DDX39A: variants seen among roughly 807,000 people sequenced by gnomAD.
The protein encoded by DDX39A is ATP-dependent RNA helicase DDX39A.
DDX39A carries 13 observed loss-of-function variants against 46.3 expected under a neutral mutation model. The observed-to-expected ratio is 0.28, with a 90% CI of 0.18 to 0.45. The LOEUF is 0.45. Ranked by LOEUF, DDX39A falls within the 20% of genes least tolerant of loss-of-function variation. The pLI is 1.00. For missense variants in DDX39A, 352 were observed against 581.8 expected, an observed-to-expected ratio of 0.61 and a Z score of 4.06; for synonymous variants, 234 against 224.6, an observed-to-expected ratio of 1.04 and a Z score of -0.38.
rs1976471179 is a variant in DDX39A at position 14,409,570 on chromosome 19, T to C, written c.940A>G (p.Ile314Val). The C allele has an allele frequency of 1.2e-6, 2 of 1,611,028 alleles. No individual in the cohort carries two copies. Among genetic ancestry groups the C allele is most frequent in the East Asian group, 2.2e-5 (1 of 44,838 alleles). The change falls in exon 8 of 11, where the codon ATC becomes GTC. Residue 314 changes from isoleucine (I) to valine (V), a missense_variant. This residue lies in a region of DDX39A where 301 missense variants were observed against 469.9 expected (regional missense o/e 0.64). Transcript: ENST00000242776. The surrounding 1 kb of genome is among the most constrained non-coding windows in gnomAD (Gnocchi z 8.3). ...QLLVEQNFPA[I>V]AIHRGMAQEE... Reference sequence around the variant, plus strand: ...TGGGCCATGCCCCGGTGGATGGCGATGGCCGGGAAGTTCTGCTCCACGAGG... The same window carrying C: ...TGGGCCATGCCCCGGTGGATGGCGACGGCCGGGAAGTTCTGCTCCACGAGG...
Position 14,409,710 on chromosome 19 carries a change from T to G in DDX39A, c.864+32A>C, listed in dbSNP as rs780534617. ...TGGCCCAGTGACCTCCCGAAGGTCC[T>G]GAGCCCCAGGACAGGCTGATGGAAG... On this transcript the variant is annotated intron_variant, in intron 7 of 10. Coordinates refer to ENST00000242776, the MANE Select transcript of DDX39A (RefSeq NM_005804.4). This position sits in a 1 kb window ranked among gnomAD's most constrained non-coding sequence, Gnocchi z 8.3. 3 of 1,613,264 alleles carry G rather than the reference T, an allele frequency of 1.9e-6. No individual in the cohort carries two copies. In the East Asian group the frequency reaches 6.7e-5, roughly 36 times the overall value.
At position 14,411,680 on chromosome 19, in the gene DDX39A, C is replaced by T. The variant is rs1976598099; in HGVS notation, c.337-82G>A. On this transcript the variant is annotated intron_variant, in intron 3 of 10. Transcript: ENST00000242776. The surrounding 1 kb of genome is among the most constrained non-coding windows in gnomAD (Gnocchi z 4.1). ...CCACCAGAGTCCACCCAACCCAGTCCCCCTGACACTGCACCCAACATCACA... is the reference window on the plus strand; with the variant it reads ...CCACCAGAGTCCACCCAACCCAGTCTCCCTGACACTGCACCCAACATCACA... 2.4e-6 allele frequency: 3 copies of T among 1,228,110 alleles called. No homozygotes were observed. The highest frequency in any genetic ancestry group is 2.4e-6 in the Non-Finnish European group (2 of 847,486). 76.1% of individuals were successfully genotyped at this position (1,228,110 alleles called of 1,614,324 possible).
intron 1 of DDX39A, among the ~76,000 whole-genome samples, chr19:14,417,455 T>C (rs1321721937): frequency 2.6e-5 from 3 of 117,180 alleles, no homozygotes; most frequent in East Asian, 2.8e-4. Flanking sequence ...ACCGCGTCTA[T>C]ACAAAAACAA....
At position 14,412,536 on chromosome 19, in the gene DDX39A, G is replaced by T; in HGVS notation, c.336+15C>A. The T allele has an allele frequency of 6.2e-7, 1 of 1,603,178 alleles. No homozygotes were observed. Among genetic ancestry groups the T allele is most frequent in the South Asian group, 1.1e-5 (1 of 90,904 alleles). Reference sequence around the variant, plus strand: ...CACAGGCAGGGTGGGGCCAGGAAGGGAGGAGCCCACCCACCTGTCCGTTGA... The same window carrying T: ...CACAGGCAGGGTGGGGCCAGGAAGGTAGGAGCCCACCCACCTGTCCGTTGA... On this transcript the variant is annotated intron_variant, in intron 3 of 10. Transcript: ENST00000242776. This position sits in a 1 kb window ranked among gnomAD's most constrained non-coding sequence, Gnocchi z 4.4.
At chr19:14,413,467 CAG>C (rs1403178554) in intron 1 of DDX39A, among the ~76,000 whole-genome samples, 1 of 151,798 alleles carries the variant, frequency 6.6e-6, no homozygotes, top group Non-Finnish European at 1.5e-5. Context: ...CCATGGCTCA[CAG>C]AGTTAAAATC....
Position 14,409,044 on chromosome 19 carries a change from G to A in DDX39A, c.1260C>T (p.Ser420=). 1.2e-6 allele frequency: 2 copies of A among 1,614,244 alleles called. No homozygotes were observed. The highest frequency in any genetic ancestry group is 1.7e-6 in the Non-Finnish European group (2 of 1,180,048). The change falls in exon 10 of 11, where the codon TCC becomes TCT. Residue 420 remains serine, a synonymous_variant. Coordinates refer to ENST00000242776, the MANE Select transcript of DDX39A (RefSeq NM_005804.4). This position sits in a 1 kb window ranked among gnomAD's most constrained non-coding sequence, Gnocchi z 8.3. ...VAELPEEIDI[S]TYIEQSR ...CCTGCCCAAGGCACTTACTGTATGTGGAGATGTCGATTTCCTCTGGAAGTT... is the reference window on the plus strand; with the variant it reads ...CCTGCCCAAGGCACTTACTGTATGTAGAGATGTCGATTTCCTCTGGAAGTT...
In DDX39A at chr19:14,413,045, A is replaced by G. The variant is rs1976657862; in HGVS notation, c.176T>C (p.Ile59Thr). 1 of 1,614,028 alleles carries G rather than the reference A, an allele frequency of 6.2e-7. No individual in the cohort carries two copies. Among genetic ancestry groups the G allele is most frequent in the Non-Finnish European group, 8.5e-7 (1 of 1,180,014 alleles). ...FLLKPELLRA[I>T]VDCGFEHPSE... ...AGGATGCTCAAAGCCACAGTCCACG[A>G]TGGCCCGCAGGAGCTCCGGCTTCAG... The change falls in exon 2 of 11, where the codon ATC (isoleucine) becomes ACC (threonine). Residue 59 changes from isoleucine (I) to threonine (T), a missense_variant. Coordinates refer to ENST00000242776, the MANE Select transcript of DDX39A (RefSeq NM_005804.4).
Position 14,410,064 on chromosome 19 carries a change from C to T in DDX39A, c.732+152G>A, listed in dbSNP as rs1976506804. On this transcript the variant is annotated intron_variant, in intron 6 of 10. Coordinates refer to ENST00000242776, the MANE Select transcript of DDX39A (RefSeq NM_005804.4). This position sits in a 1 kb window ranked among gnomAD's most constrained non-coding sequence, Gnocchi z 4.3. Reference sequence around the variant, plus strand: ...ACTCAGGTGTGGACCAAGCTTGACTCCCAGTTTGACAAGACCGAGGGGAGG... The same window carrying T: ...ACTCAGGTGTGGACCAAGCTTGACTTCCAGTTTGACAAGACCGAGGGGAGG... The T allele has an allele frequency of 2.0e-6, 2 of 1,025,636 alleles. No individual in the cohort carries two copies. Among genetic ancestry groups the T allele is most frequent in the South Asian group, 1.3e-5 (1 of 76,400 alleles). 63.5% of individuals were successfully genotyped at this position (1,025,636 alleles called of 1,614,324 possible). A position where few individuals can be genotyped will look rare whatever the true frequency, so the allele number is the denominator to read the frequency against.
At chr19:14,418,975 C>T (rs1194071534) in intron 1 of DDX39A, 1 of 456,250 alleles carries the variant, frequency 2.2e-6, no homozygotes, top group Non-Finnish European at 4.4e-6. Context: ...GGGGTCTATT[C>T]GGACGAACTG....
Position 14,412,912 on chromosome 19 carries a change from C to A in DDX39A, c.208+101G>T. ...GATCCGCGGGACAGACGGGCCCCTC[C>A]CTCACCCACGGCAAACTGGAGGCGG... On this transcript the variant is annotated intron_variant, in intron 2 of 10. Coordinates refer to ENST00000242776, the MANE Select transcript of DDX39A (RefSeq NM_005804.4). The surrounding 1 kb of genome is among the most constrained non-coding windows in gnomAD (Gnocchi z 4.4). 1 of 1,406,674 alleles carries A rather than the reference C, an allele frequency of 7.1e-7. No homozygotes were observed. The highest frequency in any genetic ancestry group is 1.3e-5 in the South Asian group (1 of 74,902). 87.1% of individuals were successfully genotyped at this position (1,406,674 alleles called of 1,614,324 possible).
intron 1 of DDX39A, chr19:14,418,898 C>G (rs1266594088): frequency 6.6e-6 from 3 of 456,186 alleles, no homozygotes; most frequent in Non-Finnish European, 1.3e-5. Context: ...GCTCCAACTT[C>G]TCCCACCCAG....
Position 14,409,969 on chromosome 19 carries a change from C to A in DDX39A, c.733-96G>T. On this transcript the variant is annotated intron_variant, in intron 6 of 10. Coordinates refer to ENST00000242776, the MANE Select transcript of DDX39A (RefSeq NM_005804.4). This position sits in a 1 kb window ranked among gnomAD's most constrained non-coding sequence, Gnocchi z 8.3. Reference sequence around the variant, plus strand: ...CAGTGGGCGACTCCTTTGTGCGACACTTCCCAGAGGACCTGCTGCACCAGA... The same window carrying A: ...CAGTGGGCGACTCCTTTGTGCGACAATTCCCAGAGGACCTGCTGCACCAGA... 1 of 1,473,256 alleles carries A rather than the reference C, an allele frequency of 6.8e-7. No individual in the cohort carries two copies. The highest frequency in any genetic ancestry group is 9.4e-7 in the Non-Finnish European group (1 of 1,061,956). 91.3% of individuals were successfully genotyped at this position (1,473,256 alleles called of 1,614,324 possible). A position where few individuals can be genotyped will look rare whatever the true frequency, so the allele number is the denominator to read the frequency against.
rs1599641110 is a variant in DDX39A at position 14,409,469 on chromosome 19, T to C, written c.975-22A>G. On this transcript the variant is annotated intron_variant, in intron 8 of 10. Transcript: ENST00000242776. This position sits in a 1 kb window ranked among gnomAD's most constrained non-coding sequence, Gnocchi z 8.3. Reference sequence around the variant, plus strand: ...CAGGCTGGGGTGCAGGAGAAACAAGTGGAGGCCGTCAGACACTGGGCTCCT... The same window carrying C: ...CAGGCTGGGGTGCAGGAGAAACAAGCGGAGGCCGTCAGACACTGGGCTCCT... 6.2e-7 allele frequency: 1 copy of C among 1,613,220 alleles called. No homozygotes were observed. Among genetic ancestry groups the C allele is most frequent in the Non-Finnish European group, 8.5e-7 (1 of 1,179,864 alleles).
chr19:14,412,944 T>A lies in DDX39A; in HGVS notation c.208+69A>T. ...CACGGCAAACTGGAGGCGGCACCGC[T>A]CTGGGCGGGCAGGGCTGGTCTTGTC... On this transcript the variant is annotated intron_variant, in intron 2 of 10. Coordinates refer to ENST00000242776, the MANE Select transcript of DDX39A (RefSeq NM_005804.4). The surrounding 1 kb of genome is among the most constrained non-coding windows in gnomAD (Gnocchi z 4.4). 2 of 1,537,486 alleles carry A rather than the reference T, an allele frequency of 1.3e-6. No individual in the cohort carries two copies. The highest frequency in any genetic ancestry group is 1.8e-6 in the Non-Finnish European group (2 of 1,130,930).
At position 14,412,617 on chromosome 19, in the gene DDX39A, G is replaced by A. The variant is rs779155078; in HGVS notation, c.270C>T (p.Ser90=). Residue 90 remains serine, a synonymous_variant, in exon 3 of 11, where the codon TCC becomes TCT. Transcript: ENST00000242776. This position sits in a 1 kb window ranked among gnomAD's most constrained non-coding sequence, Gnocchi z 4.4. ...LGMDVLCQAK[S]GMGKTAVFVL... ...CGAAGACCGCTGTCTTGCCCATCCC[G>A]GACTTGGCCTGGCACAGGACGTCCA... is the stretch of plus-strand genomic sequence containing the variant. 41 of 1,610,804 alleles carry A rather than the reference G, an allele frequency of 2.5e-5. No individual in the cohort carries two copies. The highest frequency in any genetic ancestry group is 2.7e-5 in the Non-Finnish European group (32 of 1,180,020).
chr19:14,409,361 C>A lies in DDX39A; in HGVS notation c.1061G>T (p.Arg354Leu). ...GTCGTAGTTAAAGACGATGTTGACT[C>A]GCTCGATGTCCATCCCCCGGCCAAA... ...NLFGRGMDIE[R>L]VNIVFNYDMP... The change falls in exon 9 of 11, where the codon CGA (arginine) becomes CTA (leucine). Residue 354 changes from arginine to leucine, a missense_variant. By Grantham distance (102) the Arg-to-Leu change is moderately radical (BLOSUM62 -2). This residue lies in a region of DDX39A where 301 missense variants were observed against 469.9 expected (regional missense o/e 0.64). Transcript: ENST00000242776. This position sits in a 1 kb window ranked among gnomAD's most constrained non-coding sequence, Gnocchi z 8.3. The A allele has an allele frequency of 6.2e-7, 1 of 1,614,200 alleles. No individual in the cohort carries two copies. The highest frequency in any genetic ancestry group is 8.5e-7 in the Non-Finnish European group (1 of 1,180,038).
Position 14,410,695 on chromosome 19 carries a change from G to A in DDX39A, c.613+294C>T. 1 of 517,568 alleles carries A rather than the reference G, an allele frequency of 1.9e-6. No homozygotes were observed. The allele number at this position is 517,568 out of a possible 1,614,324, so 32.1% of individuals were successfully genotyped here. A position where few individuals can be genotyped will look rare whatever the true frequency, so the allele number is the denominator to read the frequency against. ...CACCGGCCCTGTCGGGGCTCACTGA[G>A]GGCAGGCGGGGCCTGGAACCAACCC... is the stretch of plus-strand genomic sequence containing the variant. On this transcript the variant is annotated intron_variant, in intron 5 of 10. Coordinates refer to ENST00000242776, the MANE Select transcript of DDX39A (RefSeq NM_005804.4). The surrounding 1 kb of genome is among the most constrained non-coding windows in gnomAD (Gnocchi z 4.3).
At chr19:14,413,819 G>A (rs972214414) in intron 1 of DDX39A, among the ~76,000 whole-genome samples, 4 of 152,116 alleles carry the variant, frequency 2.6e-5, no homozygotes, top group Admixed American at 6.6e-5. Context: ...CTGAGTTTGC[G>A]AGAGAGCAAG....
intron 1 of DDX39A, among the ~76,000 whole-genome samples, chr19:14,414,639 G>A (rs952381511): frequency 2.1e-5 from 3 of 146,078 alleles, no homozygotes; most frequent in Non-Finnish European, 3.0e-5. Flanking sequence ...GTGAGCCACC[G>A]CGCCTGGCCT....
Sources: gnomAD v4.1 joint callset for allele counts (sites outside exome capture counted in the v4.1 genomes callset) on GRCh38, gnomAD v4.1.1 for gene constraint, gnomAD v4.1.1 regional missense constraint, Gnocchi (gnomAD v3.1) non-coding constraint, MANE v1.5 for transcripts, NCBI Gene and HGNC (gene_info 2026-07-23, HGNC 2026-07-21) for gene names.